TBP: variants seen among roughly 807,000 people sequenced by gnomAD.
TBP encodes TATA-box-binding protein.
In TBP, 12 loss-of-function variants were observed where a neutral mutation model predicts 46.2. The ratio of observed to expected loss-of-function variants is 0.26; its 90% CI spans 0.17 to 0.42. The LOEUF (loss-of-function observed/expected upper bound fraction) is 0.42, where lower values mean the gene tolerates loss of function less well. Among genes scored for constraint, TBP ranks in the 10% least tolerant of loss-of-function variants. TBP has a pLI of 1.00. For missense variants in TBP, 229 were observed against 403.1 expected, an observed-to-expected ratio of 0.57 and a Z score of 3.70; for synonymous variants, 157 against 148.3, an observed-to-expected ratio of 1.06 and a Z score of -0.42.
At position 170,564,650 on chromosome 6, in the gene TBP, G is replaced by C; in HGVS notation, c.585+18G>C. ...ATCCCAAGGTTAGATCTATTTTAAT[G>C]TATTTCTTTTTTTTTTCTTTTTTGT... On this transcript the variant is annotated intron_variant, in intron 4 of 7. Coordinates refer to ENST00000392092, the MANE Select transcript of TBP (RefSeq NM_003194.5). The C allele has an allele frequency of 1.3e-6, 2 of 1,550,862 alleles. No homozygotes were observed. The highest frequency in any genetic ancestry group is 1.8e-6 in the Non-Finnish European group (2 of 1,140,116).
intron 2 of TBP, among the ~76,000 whole-genome samples, chr6:170,558,724 C>G (rs991162430): frequency 7.5e-6 from 1 of 134,112 alleles, no homozygotes; most frequent in Non-Finnish European, 1.6e-5. Context: ...TTTTTTCAGT[C>G]ACTCTGTTGC....
intron 5 of TBP, 151 bp from the exon 6 acceptor site, chr6:170,569,461 G>A: frequency 1.7e-6 from 1 of 575,160 alleles, no homozygotes. Context: ...AAGGAATTGT[G>A]AATGCCTGTC....
intron 1 of TBP, among the ~76,000 whole-genome samples, chr6:170,554,907 G>C (rs1778986797): frequency 6.6e-6 from 1 of 152,170 alleles, no homozygotes; most frequent in African/African-American, 2.4e-5. Flanking sequence ...GCACGGTAGC[G>C]CTTAAGATAT....
chr6:170,557,462 C>T (rs954651097), intron 2 of TBP, among the ~76,000 whole-genome samples: 8 of 152,284 alleles, frequency 5.3e-5, no homozygotes, highest in Admixed American at 4.6e-4. Flanking sequence ...AGCCTGGGTG[C>T]AGTGGCTCAC....
At chr6:170,559,467 T>A (rs1779098730) in intron 2 of TBP, among the ~76,000 whole-genome samples, 1 of 152,200 alleles carries the variant, frequency 6.6e-6, no homozygotes, top group East Asian at 1.9e-4. Context: ...AAAGTTTGAA[T>A]GGTCTGGATA....
At chr6:170,559,281 T>C (rs941558434) in intron 2 of TBP, among the ~76,000 whole-genome samples, 1 of 152,196 alleles carries the variant, frequency 6.6e-6, no homozygotes, top group African/African-American at 2.4e-5. Context: ...TAAATGATTA[T>C]ACTTAGTGAA....
intron 2 of TBP, 100 bp from the exon 3 acceptor site, chr6:170,561,691 G>A (rs963422421): frequency 2.0e-6 from 3 of 1,524,072 alleles, no homozygotes; most frequent in Non-Finnish European, 1.8e-6. Context: ...TTCTCCGAAG[G>A]CATCTGTCTT....
chr6:170,557,667 T>A (rs1268103111), intron 2 of TBP, among the ~76,000 whole-genome samples: 1 of 118,248 alleles, frequency 8.5e-6, no homozygotes, highest in Non-Finnish European at 1.6e-5. Context: ...ACCCGGGAGG[T>A]GGAGGTTGCA....
chr6:170,556,187 T>C (rs560927652), intron 1 of TBP, among the ~76,000 whole-genome samples: 10 of 152,218 alleles, frequency 6.6e-5, no homozygotes, highest in Non-Finnish European at 1.5e-4. Flanking sequence ...AATTTGTAAC[T>C]TTGAGACCTC....
chr6:170,569,117 A>G (rs906776214), intron 5 of TBP, among the ~76,000 whole-genome samples: 1 of 152,138 alleles, frequency 6.6e-6, no homozygotes, highest in Non-Finnish European at 1.5e-5. Flanking sequence ...CCTGGCCCAC[A>G]TTCTGCTTTT....
chr6:170,561,296 C>T (rs369006125), intron 2 of TBP, among the ~76,000 whole-genome samples: 3 of 152,250 alleles, frequency 2.0e-5, no homozygotes, highest in Non-Finnish European at 4.4e-5. Flanking sequence ...AAATTGATGC[C>T]GCTTGCTTTA....
At chr6:170,555,617 T>C (rs1441507305) in intron 1 of TBP, among the ~76,000 whole-genome samples, 1 of 152,182 alleles carries the variant, frequency 6.6e-6, no homozygotes, top group Non-Finnish European at 1.5e-5. Context: ...AGATGGTCCC[T>C]GCTTTGTGAA....
In TBP at chr6:170,572,503, C is replaced by G. The variant is rs1341184003; in HGVS notation, c.*238C>G. 1.3e-5 allele frequency: 7 copies of G among 519,834 alleles called. No homozygotes were observed. Among genetic ancestry groups the G allele is most frequent in the Non-Finnish European group, 2.4e-5 (7 of 294,912 alleles). The allele number at this position is 519,834 out of a possible 1,614,324, so 32.2% of individuals were successfully genotyped here. On this transcript the variant is annotated 3_prime_UTR_variant, in exon 8 of 8. Coordinates refer to ENST00000392092, the MANE Select transcript of TBP (RefSeq NM_003194.5). ...TGAGTTGCTCATACCGTGCTGCTAT[C>G]TGGGCAGCGCTGCCCATTTATTTAT...
chr6:170,564,985 C>T (rs370449829), intron 4 of TBP, among the ~76,000 whole-genome samples: 1 of 152,066 alleles, frequency 6.6e-6, no homozygotes, highest in Non-Finnish European at 1.5e-5. Flanking sequence ...AGTGAAACCC[C>T]GTCTCTACTA....
chr6:170,555,307 TC>T (rs1487210563), intron 1 of TBP, among the ~76,000 whole-genome samples: 9 of 152,232 alleles, frequency 5.9e-5, no homozygotes, highest in Admixed American at 5.2e-4. Flanking sequence ...AAACGAAACT[TC>T]CGTCCTCCAG....
In TBP at chr6:170,564,550, T is replaced by C; in HGVS notation, c.503T>C (p.Ile168Thr). Residue 168 changes from isoleucine (I) to threonine (T), a missense_variant, in exon 4 of 8, where the codon ATT (isoleucine) becomes ACT (threonine). Physicochemically the swap from Ile to Thr is moderately conservative, Grantham distance 89. This residue lies in a region of TBP where 67 missense variants were observed against 188.2 expected (regional missense o/e 0.36). Coordinates refer to ENST00000392092, the MANE Select transcript of TBP (RefSeq NM_003194.5). ...TCTTTTTAAATCTCTTACAGAAATA[T>C]TGTATCCACAGTGAATCTTGGTTGT... ...SSGIVPQLQN[I>T]VSTVNLGCKL... is the part of the protein sequence containing the mutation. 1.2e-6 allele frequency: 2 copies of C among 1,601,344 alleles called. No individual in the cohort carries two copies. Among genetic ancestry groups the C allele is most frequent in the Non-Finnish European group, 1.7e-6 (2 of 1,174,410 alleles).
At chr6:170,563,561 G>A (rs937836260) in intron 3 of TBP, among the ~76,000 whole-genome samples, 5 of 152,230 alleles carry the variant, frequency 3.3e-5, no homozygotes, top group African/African-American at 7.2e-5. Flanking sequence ...AGGGTGATTG[G>A]AAGGAAATAG....
At chr6:170,563,912 T>C (rs539311920) in intron 3 of TBP, among the ~76,000 whole-genome samples, 1 of 152,318 alleles carries the variant, frequency 6.6e-6, no homozygotes, top group East Asian at 1.9e-4. Flanking sequence ...TCTTTATCCT[T>C]GTATAAGTTA....
chr6:170,568,933 C>T (rs1274939319), intron 5 of TBP, among the ~76,000 whole-genome samples: 1 of 150,014 alleles, frequency 6.7e-6, no homozygotes, highest in African/African-American at 2.5e-5. Context: ...CTGCCTCAGC[C>T]TCCCAAGTAG....
Sources: allele counts gnomAD v4.1 joint callset (sites outside exome capture counted in the v4.1 genomes callset), GRCh38; gene constraint gnomAD v4.1.1; regional missense constraint gnomAD v4.1.1; transcripts MANE v1.5; gene names NCBI Gene and HGNC (gene_info 2026-07-23, HGNC 2026-07-21).